RPS27: variants seen among roughly 807,000 people sequenced by gnomAD.
RPS27 encodes ribosomal protein S27, also known as small ribosomal subunit protein eS27.
In RPS27, 1 loss-of-function variant was observed where a neutral mutation model predicts 11.8. The ratio of observed to expected loss-of-function variants is 0.08; its 90% CI spans 0.03 to 0.40. RPS27 has a LOEUF of 0.40. Among genes scored for constraint, RPS27 ranks in the 10% least tolerant of loss-of-function variants. RPS27 has a pLI of 0.98. For missense variants in RPS27, 44 were observed against 100.1 expected (o/e 0.44, Z 2.39); for synonymous variants, 42 against 33.8 (o/e 1.24, Z -0.84).
At chr1:153,990,830 G>T in intron 1 of RPS27, 28 bp downstream of exon 1, 1 of 1,613,920 alleles carries the variant, frequency 6.2e-7, no homozygotes, top group South Asian at 1.1e-5. Context: ...GGTTTCGGCG[G>T]AGATCTCGCT....
chr1:153,990,763 C>A lies in RPS27; in HGVS notation c.-34C>A, dbSNP rs188748675. 4 of 1,614,176 alleles carry A rather than the reference C, an allele frequency of 2.5e-6. No homozygotes were observed. The highest frequency in any genetic ancestry group is 3.4e-6 in the Non-Finnish European group (4 of 1,180,006). ...AGGGGCAGGATTTCCGCTTTCGCTC[C>A]TTTCCGGCGGTGACGACCTACGCAC... is the stretch of plus-strand genomic sequence containing the variant. On this transcript the variant is annotated 5_prime_UTR_variant, in exon 1 of 4. Coordinates refer to ENST00000651669, the MANE Select transcript of RPS27 (RefSeq NM_001030.6).
chr1:153,990,801 C>G lies in RPS27; in HGVS notation c.5C>G (p.Pro2Arg), dbSNP rs752425555. 1.2e-6 allele frequency: 2 copies of G among 1,614,220 alleles called. No individual in the cohort carries two copies. Among genetic ancestry groups the G allele is most frequent in the Non-Finnish European group, 1.7e-6 (2 of 1,180,034 alleles). Residue 2 changes from proline (P) to arginine (R), a missense_variant and splice_region_variant, in exon 1 of 4, where the codon CCT becomes CGT. By Grantham distance (103) the Pro-to-Arg change is moderately radical. This residue lies in a region of RPS27 where 21 missense variants were observed against 16.2 expected (regional missense o/e 1.29). Transcript: ENST00000651669. M[P>R]LAKDLLHPSP... ...ACGACCTACGCACACGAGAACATGC[C>G]TGTGAGTGCTTTGGTCCAGGTTTCG... is the stretch of plus-strand genomic sequence containing the variant.
intron 2 of RPS27, 74 bp from the exon 3 acceptor site, chr1:153,991,492 G>T: frequency 7.3e-7 from 1 of 1,363,990 alleles, no homozygotes. Context: ...CAATGTAATG[G>T]ATGATGAGTT....
Position 153,990,787 on chromosome 1 carries a change from A to G in RPS27, c.-10A>G, listed in dbSNP as rs115756915. The G allele has an allele frequency of 1.2e-3, 1,994 of 1,614,204 alleles. 28 individuals carry two copies. The African/African-American group carries it at 0.024, about 19-fold the overall frequency. ...CCTTTCCGGCGGTGACGACCTACGC[A>G]CACGAGAACATGCCTGTGAGTGCTT... is the stretch of plus-strand genomic sequence containing the variant. On this transcript the variant is annotated 5_prime_UTR_variant, in exon 1 of 4. Coordinates refer to ENST00000651669, the MANE Select transcript of RPS27 (RefSeq NM_001030.6).
chr1:153,991,738 C>T, intron 3 of RPS27, 62 bp downstream of exon 3: 1 of 1,142,880 alleles, frequency 8.7e-7, no homozygotes, highest in East Asian at 2.4e-5. Flanking sequence ...GGAAACATTT[C>T]TTAGGATTTT....
chr1:153,991,382 G>GGCCGGGCGCGGTGGCTC, intron 2 of RPS27, 159 bp downstream of exon 2: 2 of 1,505,038 alleles, frequency 1.3e-6, no homozygotes, highest in Non-Finnish European at 1.8e-6. Context: ...TTGAATGTAT[G>GGCCGGGCGCGGTGGCTC]AGACTGGCAA....
Position 153,990,770 on chromosome 1 carries a change from G to A in RPS27, c.-27G>A, listed in dbSNP as rs764129084. 6.2e-7 allele frequency: 1 copy of A among 1,614,176 alleles called. No individual in the cohort carries two copies. Among genetic ancestry groups the A allele is most frequent in the Non-Finnish European group, 8.5e-7 (1 of 1,180,020 alleles). Reference sequence around the variant, plus strand: ...GGATTTCCGCTTTCGCTCCTTTCCGGCGGTGACGACCTACGCACACGAGAA... The same window carrying A: ...GGATTTCCGCTTTCGCTCCTTTCCGACGGTGACGACCTACGCACACGAGAA... On this transcript the variant is annotated 5_prime_UTR_variant, in exon 1 of 4. Transcript: ENST00000651669.
In RPS27 at chr1:153,991,145, G is replaced by C. The variant is rs1269649760; in HGVS notation, c.37G>C (p.Glu13Gln). 1.9e-6 allele frequency: 3 copies of C among 1,594,704 alleles called. No individual in the cohort carries two copies. The South Asian group carries it at 3.4e-5, about 18-fold the overall frequency. Residue 13 changes from glutamate to glutamine, a missense_variant, in exon 2 of 4, where the codon GAA becomes CAA. Around this residue, in one of 2 missense-constraint regions of RPS27, gnomAD observed 21 missense variants for 16.2 expected, o/e 1.29. Transcript: ENST00000651669. ...LAKDLLHPSP[E>Q]EEKRKHKKKR... is the part of the protein sequence containing the mutation. ...AAAGGATCTCCTTCATCCCTCTCCA[G>C]AAGAGGAGAAGAGGAAACACAAGAA... is the stretch of plus-strand genomic sequence containing the variant.
In RPS27 at chr1:153,991,316, GCAGCAGCTTCA is replaced by G. The variant is rs1649386902; in HGVS notation, c.115+94_115+104del. On this transcript the variant is annotated intron_variant, in intron 2 of 3. Coordinates refer to ENST00000651669, the MANE Select transcript of RPS27 (RefSeq NM_001030.6). ...AGCTGTCTCGTATCCTTGAAGCTGT[GCAGCAGCTTCA>G]GTTTCTTCGCCTGTGGAAAATATTT... 3.9e-6 allele frequency: 6 copies of G among 1,535,722 alleles called. No individual in the cohort carries two copies. In the Admixed American group the frequency reaches 1.3e-4, roughly 34 times the overall value.
rs772283808 is a variant in RPS27 at position 153,991,551 on chromosome 1, C to T, written c.116-15C>T. On this transcript the variant is annotated splice_polypyrimidine_tract_variant and intron_variant, in intron 2 of 3. Coordinates refer to ENST00000651669, the MANE Select transcript of RPS27 (RefSeq NM_001030.6). ...GTGTAATAGAGGAAAAAAATGTTAT[C>T]TGCTTTTCTTTCAGGATGCTATAAA... 6.8e-5 allele frequency: 108 copies of T among 1,593,562 alleles called. No individual in the cohort carries two copies. The highest frequency in any genetic ancestry group is 9.0e-5 in the Non-Finnish European group (105 of 1,162,384).
intron 1 of RPS27, 83 bp downstream of exon 1, chr1:153,990,885 G>A (rs1280799264): frequency 1.3e-6 from 2 of 1,579,224 alleles, no homozygotes; most frequent in Non-Finnish European, 1.7e-6. Flanking sequence ...GATCGTAGAG[G>A]GTCCTCATTT....
At chr1:153,991,008 G>T in intron 1 of RPS27, 107 bp from the exon 2 acceptor site, 1 of 1,125,392 alleles carries the variant, frequency 8.9e-7, no homozygotes. Flanking sequence ...GCAGACACCA[G>T]GGGCGGCGAG....
Position 153,990,790 on chromosome 1 carries a change from C to G in RPS27, c.-7C>G, listed in dbSNP as rs181547215. The G allele has an allele frequency of 9.1e-5, 147 of 1,614,100 alleles. No homozygotes were observed. Among genetic ancestry groups the G allele is most frequent in the African/African-American group, 7.1e-4 (53 of 74,930 alleles). ...TTCCGGCGGTGACGACCTACGCACACGAGAACATGCCTGTGAGTGCTTTGG... is the reference window on the plus strand; with the variant it reads ...TTCCGGCGGTGACGACCTACGCACAGGAGAACATGCCTGTGAGTGCTTTGG... On this transcript the variant is annotated 5_prime_UTR_variant, in exon 1 of 4. Transcript: ENST00000651669.
chr1:153,990,826 G>C (rs775784309), intron 1 of RPS27, 24 bp downstream of exon 1: 2 of 1,614,156 alleles, frequency 1.2e-6, no homozygotes, highest in Admixed American at 1.7e-5. Flanking sequence ...TCCAGGTTTC[G>C]GCGGAGATCT....
At position 153,991,060 on chromosome 1, in the gene RPS27, G is replaced by T; in HGVS notation, c.7-55G>T. The T allele has an allele frequency of 2.1e-6, 3 of 1,400,054 alleles. No individual in the cohort carries two copies. In the South Asian group the frequency reaches 3.9e-5, roughly 18 times the overall value. 86.7% of individuals were successfully genotyped at this position (1,400,054 alleles called of 1,614,324 possible). ...GTGTGTGACAGTGGGGGCTATTTTCGACCATCCCATTTTCGCTGTTGGTTT... is the reference window on the plus strand; with the variant it reads ...GTGTGTGACAGTGGGGGCTATTTTCTACCATCCCATTTTCGCTGTTGGTTT... On this transcript the variant is annotated intron_variant, in intron 1 of 3. Coordinates refer to ENST00000651669, the MANE Select transcript of RPS27 (RefSeq NM_001030.6).
Position 153,991,174 on chromosome 1 carries a change from A to G in RPS27, c.66A>G (p.Lys22=), listed in dbSNP as rs138487080. The change falls in exon 2 of 4, where the codon AAA becomes AAG. Residue 22 remains lysine, a synonymous_variant. Coordinates refer to ENST00000651669, the MANE Select transcript of RPS27 (RefSeq NM_001030.6). The part of the protein sequence containing the change: ...PEEEKRKHKK[K]RLVQSPNSYF... The stretch of plus-strand genomic sequence containing the variant: ...AGGAGAAGAGGAAACACAAGAAGAA[A>G]CGCCTGGTGCAGAGCCCCAATTCCT... 131 of 1,599,782 alleles carry G rather than the reference A, an allele frequency of 8.2e-5. No homozygotes were observed. The highest frequency in any genetic ancestry group is 2.7e-4 in the African/African-American group (20 of 74,688).
chr1:153,991,456 C>G, intron 2 of RPS27, 110 bp from the exon 3 acceptor site: 1 of 1,356,630 alleles, frequency 7.4e-7, no homozygotes, highest in African/African-American at 1.4e-5. Context: ...TCACATACAA[C>G]CCCTACGTTT....
Position 153,991,162 on chromosome 1 carries a change from A to G in RPS27, c.54A>G (p.Lys18=), listed in dbSNP as rs1275639109. Residue 18 remains lysine (K), a synonymous_variant, in exon 2 of 4, where the codon AAA becomes AAG. Coordinates refer to ENST00000651669, the MANE Select transcript of RPS27 (RefSeq NM_001030.6). ...CCTCTCCAGAAGAGGAGAAGAGGAA[A>G]CACAAGAAGAAACGCCTGGTGCAGA... is the stretch of plus-strand genomic sequence containing the variant. The part of the protein sequence containing the change: ...LHPSPEEEKR[K]HKKKRLVQSP... 1 of 1,599,442 alleles carries G rather than the reference A, an allele frequency of 6.3e-7. No individual in the cohort carries two copies. Among genetic ancestry groups the G allele is most frequent in the South Asian group, 1.1e-5 (1 of 89,520 alleles).
intron 3 of RPS27, 119 bp from the exon 4 acceptor site, chr1:153,991,946 A>C (rs1649434212): frequency 2.1e-6 from 2 of 941,348 alleles, no homozygotes; most frequent in African/African-American, 1.6e-5. Context: ...CAGGTAGCTA[A>C]GAGTTGAGAA....
Sources: gnomAD v4.1 joint callset for allele counts on GRCh38, gnomAD v4.1.1 for gene constraint, gnomAD v4.1.1 regional missense constraint, MANE v1.5 for transcripts, NCBI Gene and HGNC (gene_info 2026-07-23, HGNC 2026-07-21) for gene names.